ECT2L: variants seen among roughly 807,000 people sequenced by gnomAD.
The protein encoded by ECT2L is epithelial cell transforming 2 like, also known as epithelial cell-transforming sequence 2 oncogene-like.
Under a neutral mutation model 122.8 loss-of-function variants are expected in ECT2L, and 126 were observed. That is an observed-to-expected ratio of 1.03 (90% CI 0.89 to 1.19). ECT2L has a LOEUF of 1.19. Ranked by LOEUF, ECT2L falls within the 50% of genes most tolerant of loss-of-function variation. The probability of loss-of-function intolerance (pLI) is 0.00; values close to 1 mark genes in which losing one functional copy is unlikely to be tolerated. For synonymous variants in ECT2L, 385 were observed against 381.8 expected (o/e 1.01, Z -0.10); for missense variants, 1,012 against 1,064.1 (o/e 0.95, Z 0.68).
Position 138,838,347 on chromosome 6 carries a change from T to C in ECT2L, c.180-5T>C. On this transcript the variant is annotated splice_region_variant and splice_polypyrimidine_tract_variant and intron_variant, in intron 4 of 21. Coordinates refer to ENST00000541398, the MANE Select transcript of ECT2L (RefSeq NM_001077706.3). Reference sequence around the variant, plus strand: ...GTTCTAAACTAAATTTCTCTTTCTTTTTAGGTTTGTCCAAGACTGGTTTTC... The same window carrying C: ...GTTCTAAACTAAATTTCTCTTTCTTCTTAGGTTTGTCCAAGACTGGTTTTC... 1 of 1,573,808 alleles carries C rather than the reference T, an allele frequency of 6.4e-7. No homozygotes were observed. Among genetic ancestry groups the C allele is most frequent in the Non-Finnish European group, 8.6e-7 (1 of 1,167,100 alleles).
intron 9 of ECT2L, among the ~76,000 whole-genome samples, chr6:138,852,912 GAA>G (rs1224519184): frequency 2.6e-5 from 4 of 152,084 alleles, no homozygotes; most frequent in Admixed American, 6.6e-5. Flanking sequence ...CTCCAGGTAA[GAA>G]AAGTTTTCAA....
intron 10 of ECT2L, among the ~76,000 whole-genome samples, chr6:138,862,318 G>A (rs777328043): frequency 7.4e-4 from 113 of 152,080 alleles, no homozygotes; most frequent in Non-Finnish European, 1.3e-3. Context: ...TTATAATCAC[G>A]GCAGAAGGTG....
chr6:138,849,417 A>T lies in ECT2L; in HGVS notation c.1052A>T (p.Glu351Val). 1 of 1,613,542 alleles carries T rather than the reference A, an allele frequency of 6.2e-7. No homozygotes were observed. Residue 351 changes from glutamate to valine, a missense_variant, in exon 9 of 22, where the codon GAA (glutamate) becomes GTA (valine). Glu to Val is a moderately radical substitution (Grantham distance 121). Coordinates refer to ENST00000541398, the MANE Select transcript of ECT2L (RefSeq NM_001077706.3). Reference sequence around the variant, plus strand: ...ATATTTAGCGATGGAGACAGCAGAGAAATCAATTTACTCCAAGGTAGGCCT... The same window carrying T: ...ATATTTAGCGATGGAGACAGCAGAGTAATCAATTTACTCCAAGGTAGGCCT... ...IGIFSDGDSR[E>V]INLLQGYKIG...
intron 4 of ECT2L, among the ~76,000 whole-genome samples, chr6:138,828,433 C>A (rs150104911): frequency 2.0e-4 from 31 of 152,230 alleles, no homozygotes; most frequent in Admixed American, 5.9e-4. Context: ...CTCCCCTTTT[C>A]CTGAAAACTG....
At chr6:138,867,122 C>T (rs988058789) in intron 12 of ECT2L, among the ~76,000 whole-genome samples, 4 of 151,794 alleles carry the variant, frequency 2.6e-5, no homozygotes, top group Non-Finnish European at 5.9e-5. Flanking sequence ...CCTACTTGAG[C>T]GCAGAGATAA....
At chr6:138,879,132 T>C (rs754211537) in intron 14 of ECT2L, 8 of 216,942 alleles carry the variant, frequency 3.7e-5, no homozygotes, top group Non-Finnish European at 3.8e-5. Flanking sequence ...GTTTCATTGA[T>C]TGGCCATCTG....
chr6:138,871,165 T>C (rs904232437), intron 13 of ECT2L, among the ~76,000 whole-genome samples: 17 of 152,350 alleles, frequency 1.1e-4, no homozygotes, highest in Non-Finnish European at 1.5e-5. Flanking sequence ...ATGCTGAGAA[T>C]TACATTGTCG....
chr6:138,848,594 C>T (rs888900372), intron 8 of ECT2L, among the ~76,000 whole-genome samples: 5 of 152,082 alleles, frequency 3.3e-5, no homozygotes, highest in Non-Finnish European at 5.9e-5. Flanking sequence ...TCACTTCTTC[C>T]GGGCATCTAA....
rs765310384 is a variant in ECT2L, at chr6:138,885,771, C to T, written c.2200C>T (p.Arg734Cys). 20 of 1,613,950 alleles carry T rather than the reference C, an allele frequency of 1.2e-5. No homozygotes were observed. Among genetic ancestry groups the T allele is most frequent in the African/African-American group, 4.0e-5 (3 of 74,886 alleles). The change falls in exon 18 of 22, where the codon CGT becomes TGT. Residue 734 changes from arginine to cysteine, a missense_variant. Arg to Cys is a radical substitution (Grantham distance 180, BLOSUM62 -3). Transcript: ENST00000541398. ...RLHTPAEHVDRGDLTTAIDQI... is the reference protein window; with the variant it reads ...RLHTPAEHVDCGDLTTAIDQI... ...TCATACCCCTGCAGAGCATGTTGACCGTGGGGACTTGACCACTGCAATTGA... is the reference window on the plus strand; with the variant it reads ...TCATACCCCTGCAGAGCATGTTGACTGTGGGGACTTGACCACTGCAATTGA...
At chr6:138,821,354 T>C (rs1776261984) in intron 4 of ECT2L, among the ~76,000 whole-genome samples, 1 of 152,230 alleles carries the variant, frequency 6.6e-6, no homozygotes, top group South Asian at 2.1e-4. Flanking sequence ...AGTGCTTCCG[T>C]AGTGAAACCA....
chr6:138,882,823 T>C lies in ECT2L; in HGVS notation c.1980T>C (p.Tyr660=). Residue 660 remains tyrosine (Y), a synonymous_variant, in exon 16 of 22, where the codon TAT becomes TAC. Coordinates refer to ENST00000541398, the MANE Select transcript of ECT2L (RefSeq NM_001077706.3). ...AGTTTGGAAGCCAGTTAAACACATA[T>C]ACCAATTTCTTCAACAATTACCCTG... ...VTKFGSQLNT[Y]TNFFNNYPVI... is the part of the protein sequence containing the mutation. 3 of 1,614,208 alleles carry C rather than the reference T, an allele frequency of 1.9e-6. No homozygotes were observed. Among genetic ancestry groups the C allele is most frequent in the South Asian group, 1.1e-5 (1 of 91,086 alleles).
chr6:138,888,735 C>T (rs963322927), intron 19 of ECT2L, among the ~76,000 whole-genome samples: 9 of 152,158 alleles, frequency 5.9e-5, no homozygotes, highest in African/African-American at 2.2e-4. Flanking sequence ...ACAAAGATTA[C>T]TTTTTTCCCC....
chr6:138,837,025 T>C (rs1250108108), intron 4 of ECT2L, among the ~76,000 whole-genome samples: 1 of 152,150 alleles, frequency 6.6e-6, no homozygotes, highest in East Asian at 1.9e-4. Context: ...GAAACCAAGA[T>C]CTGAGTTTAT....
At chr6:138,857,639 T>C (rs2128396794) in intron 10 of ECT2L, among the ~76,000 whole-genome samples, 1 of 152,274 alleles carries the variant, frequency 6.6e-6, no homozygotes, top group Middle Eastern at 3.4e-3. Context: ...CTTCTCTTGG[T>C]GTCCCTAATA....
At chr6:138,885,861 A>C (rs762925426) in intron 18 of ECT2L, 31 bp downstream of exon 18, 1 of 1,599,036 alleles carries the variant, frequency 6.3e-7, no homozygotes, top group South Asian at 1.1e-5. Context: ...TGTGTCCTTT[A>C]AACATGTTAC....
At position 138,885,775 on chromosome 6, in the gene ECT2L, G is replaced by C. The variant is rs1752668903; in HGVS notation, c.2204G>C (p.Gly735Ala). The C allele has an allele frequency of 1.9e-6, 3 of 1,614,140 alleles. No individual in the cohort carries two copies. The highest frequency in any genetic ancestry group is 2.5e-6 in the Non-Finnish European group (3 of 1,180,024). The change falls in exon 18 of 22, where the codon GGG (glycine) becomes GCG (alanine). Residue 735 changes from glycine (G) to alanine (A), a missense_variant. Physicochemically the swap from Gly to Ala is moderately conservative, Grantham distance 60. Coordinates refer to ENST00000541398, the MANE Select transcript of ECT2L (RefSeq NM_001077706.3). ...ACCCCTGCAGAGCATGTTGACCGTG[G>C]GGACTTGACCACTGCAATTGACCAA... ...LHTPAEHVDR[G>A]DLTTAIDQIK... is the part of the protein sequence containing the mutation.
intron 19 of ECT2L, among the ~76,000 whole-genome samples, chr6:138,888,486 G>A (rs953396932): frequency 3.4e-5 from 5 of 146,776 alleles, no homozygotes; most frequent in African/African-American, 1.3e-4. Flanking sequence ...AATTTTTTTT[G>A]TATTTTTAAT....
intron 4 of ECT2L, among the ~76,000 whole-genome samples, chr6:138,834,224 A>C (rs763338057): frequency 6.6e-6 from 1 of 152,206 alleles, no homozygotes; most frequent in Non-Finnish European, 1.5e-5. Context: ...CTGTCTCCTT[A>C]CATGTTGTTA....
intron 1 of ECT2L, among the ~76,000 whole-genome samples, chr6:138,810,497 AT>A (rs1775858055): frequency 2.0e-5 from 3 of 152,340 alleles, no homozygotes; most frequent in Admixed American, 6.5e-5. Flanking sequence ...AGAGAAAAAA[AT>A]GTCTCTAAAC....
Sources: allele counts gnomAD v4.1 joint callset (sites outside exome capture counted in the v4.1 genomes callset), GRCh38; gene constraint gnomAD v4.1.1; transcripts MANE v1.5; gene names NCBI Gene and HGNC (gene_info 2026-07-23, HGNC 2026-07-21).